NELL1: variants seen among roughly 807,000 people sequenced by gnomAD.
NELL1 encodes neural EGFL like 1.
NELL1 carries 76 observed loss-of-function variants against 107.4 expected under a neutral mutation model. The ratio of observed to expected loss-of-function variants is 0.71; its 90% CI spans 0.59 to 0.86. The LOEUF is 0.86. Ranked by LOEUF, NELL1 falls within the 40% of genes least tolerant of loss-of-function variation. NELL1 has a pLI of 0.00. For synonymous variants in NELL1, 353 were observed against 341.2 expected, an observed-to-expected ratio of 1.03 and a Z score of -0.38; for missense variants, 1,024 against 1,005.5, an observed-to-expected ratio of 1.02 and a Z score of -0.25.
intron 12 of NELL1, among the ~76,000 whole-genome samples, chr11:21,021,012 A>AACACACACAC (rs56813080): frequency 0.029 from 4,004 of 140,240 alleles, 83 homozygotes; most frequent in African/African-American, 0.053. Context: ...AGAAACTTAG[A>AACACACACAC]ACACACACAC....
intron 2 of NELL1, among the ~76,000 whole-genome samples, chr11:20,756,906 A>T (rs1396321875): frequency 6.6e-6 from 1 of 152,150 alleles, no homozygotes; most frequent in Non-Finnish European, 1.5e-5. Flanking sequence ...AAACTGGTAA[A>T]GTCCAGAGGA....
At chr11:21,064,083 G>T (rs992959737) in intron 12 of NELL1, among the ~76,000 whole-genome samples, 2 of 152,136 alleles carry the variant, frequency 1.3e-5, no homozygotes, top group Non-Finnish European at 1.5e-5. Flanking sequence ...AGTGCAAAGG[G>T]CTGAAGGCAG....
intron 2 of NELL1, among the ~76,000 whole-genome samples, chr11:20,678,557 A>T (rs755349839): frequency 2.4e-4 from 36 of 152,164 alleles, no homozygotes; most frequent in Admixed American, 1.3e-4. Context: ...ATTTATAGAG[A>T]AAACATGGTG....
chr11:21,540,307 C>A (rs559807164), intron 16 of NELL1, among the ~76,000 whole-genome samples: 1 of 152,184 alleles, frequency 6.6e-6, no homozygotes. Flanking sequence ...ATGTTTGAAC[C>A]CATTGACCAA....
chr11:20,672,446 A>G (rs1853937486), intron 1 of NELL1, among the ~76,000 whole-genome samples: 1 of 152,248 alleles, frequency 6.6e-6, no homozygotes, highest in South Asian at 2.1e-4. Context: ...ACTGCAGTGC[A>G]GACACAGTTG....
At chr11:21,338,271 G>A (rs1017355778) in intron 14 of NELL1, among the ~76,000 whole-genome samples, 2 of 152,150 alleles carry the variant, frequency 1.3e-5, no homozygotes, top group African/African-American at 4.8e-5. Flanking sequence ...AGAGCACTGT[G>A]AGCACATGTT....
At chr11:21,489,261 A>T (rs916618130) in intron 15 of NELL1, among the ~76,000 whole-genome samples, 7 of 151,446 alleles carry the variant, frequency 4.6e-5, no homozygotes, top group African/African-American at 1.7e-4. Flanking sequence ...ACCAATAATG[A>T]GTAGTCAGAT....
In NELL1 at chr11:21,047,569, A is replaced by T. The variant is rs552126792; in HGVS notation, c.1301-66020A>T. 3.9e-5 allele frequency among the ~76,000 whole-genome samples: 6 copies of T among 152,278 alleles called. No homozygotes were observed. In the South Asian group the frequency reaches 1.2e-3, roughly 32 times the overall value. On this transcript the variant is annotated intron_variant, in intron 12 of 19. Transcript: ENST00000357134. ...AATTTATTTAACATTTCAGATGTAC[A>T]ATTTCTAGAATTTCTAAATTTCTTA...
intron 3 of NELL1, among the ~76,000 whole-genome samples, chr11:20,801,855 C>A (rs1304479504): frequency 1.3e-5 from 2 of 152,118 alleles, no homozygotes; most frequent in African/African-American, 2.4e-5. Flanking sequence ...TTCCCAAATG[C>A]ATGTTCCTGG....
At chr11:21,420,287 G>A (rs757262807) in intron 15 of NELL1, among the ~76,000 whole-genome samples, 12 of 152,058 alleles carry the variant, frequency 7.9e-5, no homozygotes, top group Non-Finnish European at 1.3e-4. Context: ...GAAGACTTAA[G>A]TTAAACATGG....
intron 2 of NELL1, among the ~76,000 whole-genome samples, chr11:20,684,019 CTT>C (rs34913687): frequency 1.4e-4 from 18 of 131,264 alleles, no homozygotes; most frequent in African/African-American, 4.5e-4. Context: ...TCTGTTCGTT[CTT>C]TTTTTTTTTT....
At chr11:21,178,378 A>C (rs116166796) in intron 13 of NELL1, among the ~76,000 whole-genome samples, 1 of 151,862 alleles carries the variant, frequency 6.6e-6, no homozygotes, top group African/African-American at 2.4e-5. Flanking sequence ...CAAAAAGTGC[A>C]GGTAGTGTGC....
At chr11:21,259,489 A>G (rs16907803) in intron 14 of NELL1, among the ~76,000 whole-genome samples, 5,262 of 151,942 alleles carry the variant, frequency 0.035, 327 homozygotes, top group African/African-American at 0.12. Context: ...AGAACAGGAT[A>G]TCATGTGATG....
chr11:21,312,480 T>C (rs1311227142), intron 14 of NELL1, among the ~76,000 whole-genome samples: 1 of 152,020 alleles, frequency 6.6e-6, no homozygotes, highest in Non-Finnish European at 1.5e-5. Context: ...AGGAGGAAAA[T>C]AGCAACTGCC....
intron 13 of NELL1, 100 bp downstream of exon 13, chr11:21,113,814 A>G: frequency 8.0e-7 from 1 of 1,248,918 alleles, no homozygotes; most frequent in Non-Finnish European, 1.1e-6. Context: ...TACTATTTTT[A>G]TCTAAATAGT....
chr11:20,867,506 C>A (rs1849117892), intron 4 of NELL1, among the ~76,000 whole-genome samples: 1 of 152,128 alleles, frequency 6.6e-6, no homozygotes, highest in Non-Finnish European at 1.5e-5. Flanking sequence ...TGCGTTCCAG[C>A]TTTTGTCTTG....
chr11:20,883,860 G>A (rs973451659), intron 4 of NELL1, among the ~76,000 whole-genome samples: 1 of 152,084 alleles, frequency 6.6e-6, no homozygotes, highest in Non-Finnish European at 1.5e-5. Context: ...TTCCACTAAT[G>A]TTAGGAGAAA....
At chr11:21,419,487 C>A (rs1852606157) in intron 15 of NELL1, among the ~76,000 whole-genome samples, 1 of 152,046 alleles carries the variant, frequency 6.6e-6, no homozygotes, top group African/African-American at 2.4e-5. Context: ...TCCAATCAGT[C>A]ATAAATTCAG....
At chr11:20,835,662 GA>G (rs1848522048) in intron 3 of NELL1, among the ~76,000 whole-genome samples, 1 of 152,128 alleles carries the variant, frequency 6.6e-6, no homozygotes, top group African/African-American at 2.4e-5. Flanking sequence ...CATAGCATAA[GA>G]AACCTTTGGA....
Sources: gnomAD v4.1 joint callset for allele counts (sites outside exome capture counted in the v4.1 genomes callset) on GRCh38, gnomAD v4.1.1 for gene constraint, MANE v1.5 for transcripts, NCBI Gene and HGNC (gene_info 2026-07-23, HGNC 2026-07-21) for gene names.